CCDC30: variants seen among roughly 807,000 people sequenced by gnomAD.
CCDC30 encodes coiled-coil domain containing 30, also known as coiled-coil domain-containing protein 30.
A neutral mutation model predicts 100.2 loss-of-function variants in CCDC30; 70 were observed. The observed-to-expected ratio is 0.70, with a 90% confidence interval of 0.58 to 0.85. CCDC30 has a LOEUF of 0.85. Among genes scored for constraint, CCDC30 ranks in the 40% least tolerant of loss-of-function variants. The pLI is 0.00. For synonymous variants in CCDC30, 233 were observed against 269.5 expected (o/e 0.86, Z 1.33); for missense variants, 652 against 771.2 (o/e 0.85, Z 1.83).
At chr1:42,581,961 C>G (rs550672712) in intron 9 of CCDC30, among the ~76,000 whole-genome samples, 1 of 152,006 alleles carries the variant, frequency 6.6e-6, no homozygotes, top group South Asian at 2.1e-4. Context: ...GTGGCTCACA[C>G]CTGTAATCCC....
chr1:42,457,140 T>A, the CCDC30 span: 1 of 1,587,738 alleles, frequency 6.3e-7, no homozygotes, highest in African/African-American at 1.3e-5. Flanking sequence ...CTTATCCCCT[T>A]ACCTCCTGCT....
chr1:42,523,360 T>C (rs12568124), intron 6 of CCDC30, among the ~76,000 whole-genome samples: 19,811 of 152,236 alleles, frequency 0.13, 1,482 homozygotes, highest in East Asian at 0.19. Flanking sequence ...TTGCCAGATA[T>C]AGGATTCTTG....
At chr1:42,488,955 A>G (rs2148464053) in intron 3 of CCDC30, among the ~76,000 whole-genome samples, 1 of 152,304 alleles carries the variant, frequency 6.6e-6, no homozygotes, top group East Asian at 1.9e-4. Context: ...ACTACAGACC[A>G]GGCAGTATTA....
chr1:42,469,192 A>G (rs1643685635), intron 1 of CCDC30, among the ~76,000 whole-genome samples: 1 of 152,132 alleles, frequency 6.6e-6, no homozygotes, highest in Non-Finnish European at 1.5e-5. Flanking sequence ...CAGCCTGGGC[A>G]ACATATAAGA....
rs1263555602 is a variant in CCDC30, at chr1:42,566,189, A to T, written c.457-107A>T. On this transcript the variant is annotated intron_variant, in intron 6 of 16. Transcript: ENST00000668663. ...ATAAGCTAACTCCAAAAACATTTAC[A>T]TGTGAATAATCACATTCTGACAATT... 20 of 809,250 alleles carry T rather than the reference A, an allele frequency of 2.5e-5. No homozygotes were observed. In the Admixed American group the frequency reaches 5.4e-4, roughly 22 times the overall value. 50.1% of individuals were successfully genotyped at this position (809,250 alleles called of 1,614,324 possible). A position where few individuals can be genotyped will look rare whatever the true frequency, so the allele number is the denominator to read the frequency against.
At chr1:42,615,483 G>A (rs774442585) in intron 11 of CCDC30, among the ~76,000 whole-genome samples, 2 of 152,182 alleles carry the variant, frequency 1.3e-5, no homozygotes, top group Admixed American at 6.5e-5. Context: ...ATTTTTAATA[G>A]AGATGGGGTT....
At chr1:42,482,961 T>G in intron 3 of CCDC30, 145 bp downstream of exon 3, 1 of 564,664 alleles carries the variant, frequency 1.8e-6, no homozygotes. Flanking sequence ...CCTCATTTTC[T>G]ACCATGCTAG....
At chr1:42,619,602 C>A (rs1419726760) in intron 11 of CCDC30, among the ~76,000 whole-genome samples, 6 of 143,576 alleles carry the variant, frequency 4.2e-5, no homozygotes, top group Non-Finnish European at 3.2e-5. Context: ...GCCTCCCTAG[C>A]AAAGGTGGTC....
At chr1:42,491,912 A>G in intron 4 of CCDC30, 1 of 536,698 alleles carries the variant, frequency 1.9e-6, no homozygotes. Flanking sequence ...CCAAAATTGC[A>G]TCTGATAGCC....
Position 42,542,619 on chromosome 1 carries a change from C to T in CCDC30, c.457-23677C>T, listed in dbSNP as rs1645036629. 1.8e-5 allele frequency among the ~76,000 whole-genome samples: 2 copies of T among 108,860 alleles called. 1 individual carries two copies. Among genetic ancestry groups the T allele is most frequent in the South Asian group, 5.9e-4 (2 of 3,402 alleles). The allele number at this position is 108,860 out of a possible 152,430, so 71.4% of individuals were successfully genotyped here. On this transcript the variant is annotated intron_variant, in intron 6 of 16. Transcript: ENST00000668663. ...ACTGCGGACTGCAGTGGCGCAATCT[C>T]GGCTCACTGCAAGCTCCGCTTCCCG...
intron 1 of CCDC30, 184 bp downstream of exon 1, chr1:42,464,082 C>T (rs1643491279): frequency 6.6e-6 from 1 of 152,252 alleles, no homozygotes; most frequent in South Asian, 2.1e-4. Context: ...TTCTGCTTTC[C>T]TGCTACAATG....
At position 42,507,119 on chromosome 1, in the gene CCDC30, G is replaced by A. The variant is rs187063548; in HGVS notation, c.456+8203G>A. Among the ~76,000 whole-genome samples, 221 of 152,188 alleles carry A rather than the reference G, an allele frequency of 1.5e-3. 1 individual carries two copies. Among genetic ancestry groups the A allele is most frequent in the African/African-American group, 5.1e-3 (210 of 41,518 alleles). ...TTTTTGTATTTTTAGTAGAGACGGG[G>A]TTTCACCGTGTTGTTCAGGCTGGTC... On this transcript the variant is annotated intron_variant, in intron 6 of 16. Coordinates refer to ENST00000668663, the Ensembl canonical transcript of CCDC30.
At chr1:42,487,663 A>G (rs1644073817) in intron 3 of CCDC30, among the ~76,000 whole-genome samples, 1 of 152,202 alleles carries the variant, frequency 6.6e-6, no homozygotes, top group Non-Finnish European at 1.5e-5. Context: ...ATAAATAATG[A>G]CTTTGAAGAT....
At chr1:42,573,195 T>G (rs1645769302) in intron 7 of CCDC30, among the ~76,000 whole-genome samples, 1 of 152,198 alleles carries the variant, frequency 6.6e-6, no homozygotes, top group African/African-American at 2.4e-5. Context: ...TCTTTTGGGA[T>G]TTCAGTTGGA....
chr1:42,579,835 A>G (rs1296384472), intron 8 of CCDC30, among the ~76,000 whole-genome samples: 2 of 152,078 alleles, frequency 1.3e-5, no homozygotes, highest in African/African-American at 2.4e-5. Flanking sequence ...ATCTCTACAA[A>G]AATAAAAAAG....
At chr1:42,618,908 G>A (rs1646777724) in intron 11 of CCDC30, among the ~76,000 whole-genome samples, 1 of 152,160 alleles carries the variant, frequency 6.6e-6, no homozygotes, top group African/African-American at 2.4e-5. Context: ...ATATTCTGTT[G>A]GCCAGAACTT....
intron 12 of CCDC30, among the ~76,000 whole-genome samples, chr1:42,642,183 G>A (rs1054770747): frequency 8.6e-5 from 13 of 151,838 alleles, no homozygotes; most frequent in South Asian, 2.1e-4. Flanking sequence ...CAGAGATCAC[G>A]CCACTGTATT....
At chr1:42,490,084 G>A (rs1259980871) in intron 3 of CCDC30, 74 bp from the exon 4 acceptor site, 1 of 507,148 alleles carries the variant, frequency 2.0e-6, no homozygotes, top group Non-Finnish European at 3.0e-6. Flanking sequence ...GTTCCAGAGA[G>A]AGAGAGTCAT....
chr1:42,498,687 C>A, intron 5 of CCDC30, 131 bp from the exon 6 acceptor site: 1 of 416,930 alleles, frequency 2.4e-6, no homozygotes, highest in Non-Finnish European at 4.1e-6. Flanking sequence ...ATTTTTTATT[C>A]TGTATACCTA....
Sources: allele counts gnomAD v4.1 joint callset (sites outside exome capture counted in the v4.1 genomes callset), GRCh38; gene constraint gnomAD v4.1.1; transcripts MANE v1.5; gene names NCBI Gene and HGNC (gene_info 2026-07-23, HGNC 2026-07-21).